The following BRD1 variants were observed in gnomAD, a reference collection of about 807,000 sequenced individuals.
The protein encoded by BRD1 is bromodomain containing 1.
BRD1 carries 24 observed loss-of-function variants against 107.7 expected under a neutral mutation model. That is an observed-to-expected ratio of 0.22 (90% CI 0.16 to 0.31). The LOEUF is 0.31. BRD1 is among the 10% of genes least tolerant of loss of function. The pLI, the probability that BRD1 is intolerant of heterozygous loss-of-function variation, is 1.00. For missense variants in BRD1, 1,279 were observed against 1,638.6 expected, an observed-to-expected ratio of 0.78 and a Z score of 3.79; for synonymous variants, 744 against 686.1, an observed-to-expected ratio of 1.08 and a Z score of -1.32.
intron 7 of BRD1, among the ~76,000 whole-genome samples, chr22:49,790,447 C>T (rs2059413080): frequency 6.6e-6 from 1 of 152,244 alleles, no homozygotes; most frequent in Non-Finnish European, 1.5e-5. Flanking sequence ...ATAAGCCTCT[C>T]AGACCCCGTC....
chr22:49,791,007 C>T (rs1281668714), intron 7 of BRD1, among the ~76,000 whole-genome samples: 1 of 152,376 alleles, frequency 6.6e-6, no homozygotes, highest in African/African-American at 2.4e-5. Flanking sequence ...GCTCACGGTG[C>T]GGACCCTGCT....
chr22:49,814,090 G>C (rs914333502), intron 2 of BRD1, among the ~76,000 whole-genome samples: 1 of 152,184 alleles, frequency 6.6e-6, no homozygotes, highest in African/African-American at 2.4e-5. Context: ...CAAAACAATG[G>C]AATGGAAGGA....
rs1214463530 is a variant in BRD1, at chr22:49,774,422, T to TA, written c.3387-7dup. 1.9e-6 allele frequency: 3 copies of TA among 1,596,026 alleles called. No individual in the cohort carries two copies. The highest frequency in any genetic ancestry group is 2.6e-6 in the Non-Finnish European group (3 of 1,167,770). ...TGGACTTAGGAAGCCACTGCCTTTT[T>TA]AAAAGGAAAAACAAGCGGAAAATCA... On this transcript the variant is annotated splice_polypyrimidine_tract_variant and splice_region_variant and intron_variant, in intron 12 of 12. Coordinates refer to ENST00000404760, the MANE Select transcript of BRD1 (RefSeq NM_001304808.3).
In BRD1 at chr22:49,824,303, T is replaced by C. The variant is rs2060122860; in HGVS notation, c.15A>G (p.Gly5=). The C allele has an allele frequency of 6.2e-7, 1 of 1,612,360 alleles. No individual in the cohort carries two copies. The highest frequency in any genetic ancestry group is 8.5e-7 in the Non-Finnish European group (1 of 1,178,812). The change falls in exon 2 of 13, where the codon GGA becomes GGG. Residue 5 remains glycine (G), a synonymous_variant. Coordinates refer to ENST00000404760, the MANE Select transcript of BRD1 (RefSeq NM_001304808.3). The surrounding 1 kb of genome is among the most constrained non-coding windows in gnomAD (Gnocchi z 5.9). MRRK[G]RCHRGSAARH... is the part of the protein sequence containing the mutation. ...TCGCTGCAGAGCCTCGATGACATCG[T>C]CCTTTCCTCCTCATTTGGTAATGAT...
chr22:49,793,232 CCT>C (rs1260695688), intron 7 of BRD1, among the ~76,000 whole-genome samples: 1 of 152,150 alleles, frequency 6.6e-6, no homozygotes, highest in African/African-American at 2.4e-5. Flanking sequence ...TTTTAAAATT[CCT>C]CTTTCACCAA....
chr22:49,808,157 T>C (rs755906248), intron 2 of BRD1, among the ~76,000 whole-genome samples: 5 of 152,224 alleles, frequency 3.3e-5, no homozygotes, highest in Non-Finnish European at 5.9e-5. Flanking sequence ...AGAAATGCCG[T>C]GTGACCTGGC....
chr22:49,804,152 G>C (rs1485672699), intron 3 of BRD1, 52 bp downstream of exon 3: 1 of 1,486,954 alleles, frequency 6.7e-7, no homozygotes, highest in African/African-American at 1.4e-5. Flanking sequence ...CCTCTCCCTG[G>C]AGGGTGGGGG....
chr22:49,790,202 C>G (rs902638997), intron 7 of BRD1, among the ~76,000 whole-genome samples: 12 of 152,184 alleles, frequency 7.9e-5, no homozygotes, highest in African/African-American at 2.9e-4. Context: ...CAGAGGCCCC[C>G]GGACCGTTCA....
chr22:49,780,986 G>T (rs1464562739), intron 8 of BRD1, among the ~76,000 whole-genome samples: 1 of 152,236 alleles, frequency 6.6e-6, no homozygotes, highest in East Asian at 1.9e-4. Flanking sequence ...GCAACTTTCA[G>T]CAACTTTTTC....
chr22:49,789,873 G>A (rs958166361), intron 7 of BRD1, among the ~76,000 whole-genome samples: 6 of 152,058 alleles, frequency 3.9e-5, no homozygotes, highest in Non-Finnish European at 7.4e-5. Flanking sequence ...CCAGCTCTCG[G>A]CCCAGCTAGG....
intron 2 of BRD1, chr22:49,817,548 C>T (rs963005370): frequency 2.4e-5 from 4 of 170,210 alleles, no homozygotes; most frequent in Non-Finnish European, 5.2e-5. Context: ...GACCAGCAGG[C>T]GGCCCAGGGG....
intron 2 of BRD1, among the ~76,000 whole-genome samples, chr22:49,814,357 G>A (rs2059910594): frequency 6.6e-6 from 1 of 152,334 alleles, no homozygotes. Flanking sequence ...GGAGGACGCC[G>A]TGCCCACATC....
Position 49,824,344 on chromosome 22 carries a change from C to T in BRD1, c.-14-13G>A. 1 of 1,608,370 alleles carries T rather than the reference C, an allele frequency of 6.2e-7. No individual in the cohort carries two copies. Among genetic ancestry groups the T allele is most frequent in the South Asian group, 1.1e-5 (1 of 90,876 alleles). On this transcript the variant is annotated splice_polypyrimidine_tract_variant and intron_variant, in intron 1 of 12. Coordinates refer to ENST00000404760, the MANE Select transcript of BRD1 (RefSeq NM_001304808.3). The surrounding 1 kb of genome is among the most constrained non-coding windows in gnomAD (Gnocchi z 5.9). ...TGGTAATGATTACCTAAAATGAAGG[C>T]AAAAGTAAAGGTAATTCTACGCAGG...
In BRD1 at chr22:49,774,346, C is replaced by G; in HGVS notation, c.3457G>C (p.Glu1153Gln). The G allele has an allele frequency of 6.2e-7, 1 of 1,614,196 alleles. No homozygotes were observed. The highest frequency in any genetic ancestry group is 2.2e-5 in the East Asian group (1 of 44,884). Reference protein sequence around the residue: ...DETIDKLKMMEGRNSSIRKAV... With the variant: ...DETIDKLKMMQGRNSSIRKAV... ...TTCCGGATGCTGGAATTCCTCCCTT[C>G]CATCATCTTTAACTTGTCTATAGTT... is the stretch of plus-strand genomic sequence containing the variant. Residue 1153 changes from glutamate to glutamine, a missense_variant, in exon 13 of 13, where the codon GAA (glutamate) becomes CAA (glutamine). Around this residue, in one of 7 missense-constraint regions of BRD1, gnomAD observed 136 missense variants for 196.8 expected, o/e 0.69. Transcript: ENST00000404760.
At chr22:49,787,346 AC>A in intron 8 of BRD1, 43 bp downstream of exon 8, 1 of 1,282,570 alleles carries the variant, frequency 7.8e-7, no homozygotes, top group Non-Finnish European at 1.0e-6. Context: ...CGCTCCAGGC[AC>A]TGGTCGGCAA....
intron 8 of BRD1, among the ~76,000 whole-genome samples, chr22:49,786,269 G>A (rs371780828): frequency 1.4e-4 from 21 of 152,160 alleles, no homozygotes; most frequent in African/African-American, 4.3e-4. Context: ...AACCTGAGCC[G>A]GCACCTCCAG....
In BRD1 at chr22:49,823,781, G is replaced by A. The variant is rs146996562; in HGVS notation, c.537C>T (p.Pro179=). The part of the protein sequence containing the change: ...VNEKRKGDCV[P]AVSQSMFEFL... ...ACTCAAACATGCTCTGCGACACGGCGGGGACGCAGTCGCCCTTGCGCTTCT... is the reference window on the plus strand; with the variant it reads ...ACTCAAACATGCTCTGCGACACGGCAGGGACGCAGTCGCCCTTGCGCTTCT... The change falls in exon 2 of 13, where the codon CCC becomes CCT. Residue 179 remains proline (P), a synonymous_variant. Coordinates refer to ENST00000404760, the MANE Select transcript of BRD1 (RefSeq NM_001304808.3). The A allele has an allele frequency of 1.7e-4, 280 of 1,614,134 alleles. No individual in the cohort carries two copies. The African/African-American group carries it at 2.8e-3, about 16-fold the overall frequency.
At position 49,787,632 on chromosome 22, in the gene BRD1, T is replaced by TCCGCCACCGCGGAGG; in HGVS notation, c.2600_2614dup (p.Ala867_Ala871dup). The TCCGCCACCGCGGAGG allele has an allele frequency of 1.3e-6, 2 of 1,550,896 alleles. No individual in the cohort carries two copies. The highest frequency in any genetic ancestry group is 1.2e-5 in the South Asian group (1 of 84,186). ...GCGTCTGTTTACATCGCTTGCTGGCTCCGCCACCGCGGAGGCCGCCGCCGC... is the reference window on the plus strand; with the variant it reads ...GCGTCTGTTTACATCGCTTGCTGGCTCCGCCACCGCGGAGGCCGCCACCGCGGAGGCCGCCGCCGC... On this transcript the variant is annotated inframe_insertion, in exon 8 of 13. Transcript: ENST00000404760.
chr22:49,827,205 C>T (rs2060155973), intron 1 of BRD1, among the ~76,000 whole-genome samples: 1 of 150,774 alleles, frequency 6.6e-6, no homozygotes, highest in South Asian at 2.1e-4. Context: ...CACAGCCCGA[C>T]TCGGCCTCCC....
Sources: allele counts gnomAD v4.1 joint callset (sites outside exome capture counted in the v4.1 genomes callset), GRCh38; gene constraint gnomAD v4.1.1; regional missense constraint gnomAD v4.1.1; non-coding constraint Gnocchi (gnomAD v3.1); transcripts MANE v1.5; gene names NCBI Gene and HGNC (gene_info 2026-07-23, HGNC 2026-07-21).